The following BMERB1 variants were observed in gnomAD, a reference collection of about 807,000 sequenced individuals.
BMERB1 encodes bMERB domain-containing protein 1.
BMERB1 carries 12 observed loss-of-function variants against 23.6 expected under a neutral mutation model. The observed-to-expected ratio is 0.51, with a 90% confidence interval of 0.33 to 0.82. The LOEUF (loss-of-function observed/expected upper bound fraction) is 0.82. BMERB1 is among the 40% of genes least tolerant of loss of function. The pLI is 0.03. For missense variants in BMERB1, 247 were observed against 255.4 expected (o/e 0.97, Z 0.22); for synonymous variants, 122 against 96.6 (o/e 1.26, Z -1.54).
chr16:15,509,246 C>T (rs943046174), intron 1 of BMERB1, among the ~76,000 whole-genome samples: 4 of 149,476 alleles, frequency 2.7e-5, no homozygotes, highest in Admixed American at 6.7e-5. Context: ...TGGTTAACTA[C>T]GCACTTTCGC....
At chr16:15,492,531 G>A (rs1340370449) in intron 1 of BMERB1, among the ~76,000 whole-genome samples, 1 of 152,200 alleles carries the variant, frequency 6.6e-6, no homozygotes, top group African/African-American at 2.4e-5. Flanking sequence ...ACTTTACAAT[G>A]GAGAAACCTG....
At chr16:15,444,073 C>A (rs1255017170) in intron 1 of BMERB1, among the ~76,000 whole-genome samples, 1 of 143,656 alleles carries the variant, frequency 7.0e-6, no homozygotes, top group African/African-American at 2.6e-5. Flanking sequence ...GCTGTCTGCC[C>A]CAGGCACAGA....
intron 2 of BMERB1, among the ~76,000 whole-genome samples, chr16:15,515,738 C>T (rs376491278): frequency 4.3e-4 from 66 of 152,218 alleles, no homozygotes; most frequent in East Asian, 2.9e-3. Context: ...GTGTCTTTCA[C>T]GAGCGCACAC....
intron 1 of BMERB1, among the ~76,000 whole-genome samples, chr16:15,476,746 G>A (rs1309529257): frequency 6.6e-6 from 1 of 152,176 alleles, no homozygotes; most frequent in Non-Finnish European, 1.5e-5. Context: ...CCCATCACCA[G>A]ACCCTGATGA....
At position 15,462,140 on chromosome 16, in the gene BMERB1, T is replaced by G. The variant is rs1160575136; in HGVS notation, c.106+27381T>G. Among the ~76,000 whole-genome samples, 231 of 38,736 alleles carry G rather than the reference T, an allele frequency of 6.0e-3. 6 individuals are homozygous for G. The highest frequency in any genetic ancestry group is 0.024 in the African/African-American group (225 of 9,534). 25.4% of individuals were successfully genotyped at this position (38,736 alleles called of 152,430 possible). The stretch of plus-strand genomic sequence containing the variant: ...CAAAGTTAACTGGATGTCCTGCCTT[T>G]TTTTTTTTTTTTTTTTTTTTTTTTT... On this transcript the variant is annotated intron_variant, in intron 1 of 5. Coordinates refer to ENST00000300006, the MANE Select transcript of BMERB1 (RefSeq NM_033201.3).
chr16:15,466,638 T>C (rs2051182953), intron 1 of BMERB1, among the ~76,000 whole-genome samples: 1 of 152,180 alleles, frequency 6.6e-6, no homozygotes, highest in South Asian at 2.1e-4. Flanking sequence ...TTTGGACAGC[T>C]AAATACAGTA....
chr16:15,528,788 A>C (rs1353352515), intron 2 of BMERB1, among the ~76,000 whole-genome samples: 1 of 152,064 alleles, frequency 6.6e-6, no homozygotes, highest in Non-Finnish European at 1.5e-5. Flanking sequence ...CCAATGTAAT[A>C]ATATCAAGAG....
rs143373615 is a variant in BMERB1, at chr16:15,575,422, C to G, written c.305-5795C>G. ...TAAGTTGCTTATTGACTTTTCAAGG[C>G]TAGCTAGGTGCCTAGAATTTCCTTT... On this transcript the variant is annotated intron_variant, in intron 3 of 5. Transcript: ENST00000300006. Among the ~76,000 whole-genome samples the G allele has an allele frequency of 7.9e-5, 12 of 152,312 alleles. No homozygotes were observed. The East Asian group carries it at 2.1e-3, about 27-fold the overall frequency.
At chr16:15,442,732 G>C (rs560824967) in intron 1 of BMERB1, among the ~76,000 whole-genome samples, 1 of 152,092 alleles carries the variant, frequency 6.6e-6, no homozygotes, top group Non-Finnish European at 1.5e-5. Context: ...TGGGGAAACC[G>C]AGGTTTCAGG....
At chr16:15,446,227 C>CA (rs1028414225) in intron 1 of BMERB1, among the ~76,000 whole-genome samples, 1 of 151,684 alleles carries the variant, frequency 6.6e-6, no homozygotes, top group East Asian at 1.9e-4. Flanking sequence ...CTCATCTCTA[C>CA]AAAAAAATAA....
At chr16:15,484,626 T>G (rs940451721) in intron 1 of BMERB1, among the ~76,000 whole-genome samples, 1 of 152,186 alleles carries the variant, frequency 6.6e-6, no homozygotes, top group African/African-American at 2.4e-5. Context: ...GGTCTCGAGC[T>G]CCTGACCTCA....
At chr16:15,584,028 C>T in intron 5 of BMERB1, 6 of 702,308 alleles carry the variant, frequency 8.5e-6, no homozygotes, top group Non-Finnish European at 1.6e-5. Context: ...CTGGAGAAGC[C>T]AGAAGCATAT....
chr16:15,530,635 C>T (rs1012093401), intron 2 of BMERB1, among the ~76,000 whole-genome samples: 3 of 152,100 alleles, frequency 2.0e-5, no homozygotes, highest in African/African-American at 7.2e-5. Flanking sequence ...AAATCTTATC[C>T]TGAATTGTAA....
At position 15,515,427 on chromosome 16, in the gene BMERB1, A is replaced by T; in HGVS notation, c.229A>T (p.Met77Leu). The stretch of plus-strand genomic sequence containing the variant: ...CCGCCGGGAGTCTGAGCTCAGGTTC[A>T]TGTGAGTGTTTTGGGGATGTGGCCA... Reference protein sequence around the residue: ...LVRRESELRFMMDDIQLCKDI... With the variant: ...LVRRESELRFLMDDIQLCKDI... The change falls in exon 2 of 6, where the codon ATG becomes TTG. Residue 77 changes from methionine (M) to leucine (L), a missense_variant and splice_region_variant. Physicochemically the swap from Met to Leu is conservative, Grantham distance 15. Coordinates refer to ENST00000300006, the MANE Select transcript of BMERB1 (RefSeq NM_033201.3). 1 of 1,613,448 alleles carries T rather than the reference A, an allele frequency of 6.2e-7. No homozygotes were observed. Among genetic ancestry groups the T allele is most frequent in the South Asian group, 1.1e-5 (1 of 91,014 alleles).
At chr16:15,515,239 T>A (rs2051733130) in intron 1 of BMERB1, 66 bp from the exon 2 acceptor site, 1 of 1,605,558 alleles carries the variant, frequency 6.2e-7, no homozygotes, top group Non-Finnish European at 8.5e-7. Context: ...CCTGGAACCA[T>A]GTCAGGGTCT....
rs559336729 is a variant in BMERB1 at position 15,529,593 on chromosome 16, G to T, written c.230+14165G>T. 1.6e-4 allele frequency among the ~76,000 whole-genome samples: 25 copies of T among 152,266 alleles called. 1 individual carries two copies. Among genetic ancestry groups the T allele is most frequent in the Admixed American group, 1.6e-3 (25 of 15,294 alleles). On this transcript the variant is annotated intron_variant, in intron 2 of 5. Transcript: ENST00000300006. ...GATGCTGACCTCCATGAGGACAGAG[G>T]CTGAGCTATTTTCACTCCCAAAAAT...
intron 2 of BMERB1, among the ~76,000 whole-genome samples, chr16:15,538,019 C>T (rs568141996): frequency 4.6e-5 from 7 of 152,280 alleles, no homozygotes; most frequent in East Asian, 1.9e-4. Flanking sequence ...TGACCCAAGA[C>T]GAAAACTGCT....
At chr16:15,525,286 T>C (rs2051895340) in intron 2 of BMERB1, among the ~76,000 whole-genome samples, 1 of 152,074 alleles carries the variant, frequency 6.6e-6, no homozygotes, top group Non-Finnish European at 1.5e-5. Context: ...TCTTCTTGGG[T>C]CTTGAGCCTG....
intron 1 of BMERB1, among the ~76,000 whole-genome samples, chr16:15,491,821 C>T (rs377731606): frequency 1.4e-4 from 21 of 152,296 alleles, no homozygotes; most frequent in African/African-American, 4.3e-4. Context: ...TCTGTGACCC[C>T]GCTATCTGGA....
Sources: allele counts gnomAD v4.1 joint callset (sites outside exome capture counted in the v4.1 genomes callset), GRCh38; gene constraint gnomAD v4.1.1; transcripts MANE v1.5; gene names NCBI Gene and HGNC (gene_info 2026-07-23, HGNC 2026-07-21).